Variants in TBC1D4 observed in about 807,000 individuals in gnomAD.
TBC1D4 encodes TBC (Tre-2, BUB2, CDC16) domain-containing protein.
In TBC1D4, 121 loss-of-function variants were observed where a neutral mutation model predicts 142.5. That is an observed-to-expected ratio of 0.85 (90% confidence interval 0.73 to 0.99). The LOEUF (loss-of-function observed/expected upper bound fraction) is 0.99. TBC1D4 is among the 50% of genes least tolerant of loss of function. TBC1D4 has a pLI of 0.00. For synonymous variants in TBC1D4, 630 were observed against 628.2 expected, an observed-to-expected ratio of 1.00 and a Z score of -0.04; for missense variants, 1,475 against 1,606.6, an observed-to-expected ratio of 0.92 and a Z score of 1.40.
Position 75,299,552 on chromosome 13 carries a change from A to T in TBC1D4, c.2934T>A (p.Pro978=). Reference sequence around the variant, plus strand: ...CTGGCCCAAGCTGTACTGAAAAGTAAGGGTGAGTAGGAAACGTCCTTCCTG... The same window carrying T: ...CTGGCCCAAGCTGTACTGAAAAGTATGGGTGAGTAGGAAACGTCCTTCCTG... ...VDLGRTFPTH[P]YFSVQLGPGQ... is the part of the protein sequence containing the mutation. The change falls in exon 17 of 21, where the codon CCT becomes CCA. Residue 978 remains proline, a synonymous_variant. Transcript: ENST00000377636. 2 of 1,614,236 alleles carry T rather than the reference A, an allele frequency of 1.2e-6. No homozygotes were observed. Among genetic ancestry groups the T allele is most frequent in the South Asian group, 1.1e-5 (1 of 91,092 alleles).
chr13:75,414,596 C>T (rs367950984), intron 1 of TBC1D4, among the ~76,000 whole-genome samples: 1 of 151,602 alleles, frequency 6.6e-6, no homozygotes, highest in African/African-American at 2.4e-5. Flanking sequence ...AAAGGGTATG[C>T]AGGATGGTGT....
intron 19 of TBC1D4, 28 bp downstream of exon 19, chr13:75,292,074 T>C (rs749047873): frequency 3.2e-6 from 5 of 1,576,974 alleles, no homozygotes; most frequent in South Asian, 1.1e-5. Flanking sequence ...AAAACTGCTA[T>C]ATAATACTAT....
At chr13:75,437,448 G>A (rs1418361868) in intron 1 of TBC1D4, among the ~76,000 whole-genome samples, 4 of 152,106 alleles carry the variant, frequency 2.6e-5, no homozygotes, top group African/African-American at 7.2e-5. Flanking sequence ...GGGAGTAAGA[G>A]TTTTTGTATT....
intron 1 of TBC1D4, 116 bp downstream of exon 1, chr13:75,481,154 G>C: frequency 7.0e-7 from 1 of 1,420,584 alleles, no homozygotes. Context: ...CGTGGAGCGC[G>C]CGCGCCTGCA....
chr13:75,356,371 A>T, intron 3 of TBC1D4, 120 bp from the exon 4 acceptor site: 3 of 753,456 alleles, frequency 4.0e-6, no homozygotes, highest in Non-Finnish European at 7.0e-6. Context: ...CCTTCACAGC[A>T]ATGAAGGGGG....
At chr13:75,360,694 G>C (rs1295350637) in intron 2 of TBC1D4, among the ~76,000 whole-genome samples, 1 of 152,172 alleles carries the variant, frequency 6.6e-6, no homozygotes, top group East Asian at 1.9e-4. Flanking sequence ...TTTGTGTTCT[G>C]TGTGGGATTA....
At chr13:75,407,147 C>A (rs534552456) in intron 1 of TBC1D4, among the ~76,000 whole-genome samples, 1 of 152,342 alleles carries the variant, frequency 6.6e-6, no homozygotes, top group Admixed American at 6.5e-5. Flanking sequence ...GCTCTAAATT[C>A]TAGCCCACCT....
intron 1 of TBC1D4, among the ~76,000 whole-genome samples, chr13:75,424,986 A>G (rs1886320810): frequency 6.6e-6 from 1 of 152,226 alleles, no homozygotes; most frequent in African/African-American, 2.4e-5. Context: ...CAAAAGCAAA[A>G]ATAGACAAAT....
chr13:75,331,727 C>T (rs1593740675), intron 8 of TBC1D4, among the ~76,000 whole-genome samples: 1 of 151,688 alleles, frequency 6.6e-6, no homozygotes, highest in East Asian at 1.9e-4. Flanking sequence ...AAAAATGGAT[C>T]CTATTTCATA....
intron 1 of TBC1D4, among the ~76,000 whole-genome samples, chr13:75,384,686 G>T (rs1884070274): frequency 6.6e-6 from 1 of 151,750 alleles, no homozygotes; most frequent in South Asian, 2.1e-4. Context: ...CAGCTAAATG[G>T]TTTTCTTATG....
chr13:75,443,729 G>C (rs1462185604), intron 1 of TBC1D4, among the ~76,000 whole-genome samples: 4 of 152,170 alleles, frequency 2.6e-5, no homozygotes, highest in African/African-American at 4.8e-5. Context: ...TGAGAACACT[G>C]TCCTGTATCT....
At chr13:75,408,624 T>A (rs1053451267) in intron 1 of TBC1D4, among the ~76,000 whole-genome samples, 11 of 152,174 alleles carry the variant, frequency 7.2e-5, no homozygotes, top group Admixed American at 2.6e-4. Flanking sequence ...TAACTCTATG[T>A]TTAACCTTTC....
chr13:75,338,869 G>A (rs966737918), intron 7 of TBC1D4, among the ~76,000 whole-genome samples: 1 of 152,072 alleles, frequency 6.6e-6, no homozygotes, highest in African/African-American at 2.4e-5. Flanking sequence ...CCCCACACGG[G>A]AAACCCTGAC....
chr13:75,317,834 C>T (rs1878441872), intron 12 of TBC1D4, among the ~76,000 whole-genome samples: 1 of 152,304 alleles, frequency 6.6e-6, no homozygotes, highest in South Asian at 2.1e-4. Flanking sequence ...TTAAGAACCA[C>T]AGTTTGTGAA....
intron 1 of TBC1D4, among the ~76,000 whole-genome samples, chr13:75,405,679 C>T (rs1444530699): frequency 6.6e-6 from 1 of 152,030 alleles, no homozygotes; most frequent in Non-Finnish European, 1.5e-5. Flanking sequence ...TTATATTTTT[C>T]TATTGCATAA....
chr13:75,363,300 A>T (rs890369065), intron 1 of TBC1D4, among the ~76,000 whole-genome samples: 3 of 152,194 alleles, frequency 2.0e-5, no homozygotes, highest in Non-Finnish European at 2.9e-5. Context: ...GCCTACAAAC[A>T]AATATTCAAA....
chr13:75,343,984 G>A (rs1593762105), intron 5 of TBC1D4, among the ~76,000 whole-genome samples: 2 of 151,986 alleles, frequency 1.3e-5, no homozygotes, highest in Non-Finnish European at 2.9e-5. Flanking sequence ...GGGATTACAG[G>A]TGCCCACCAC....
chr13:75,361,978 A>G (rs749257157), intron 2 of TBC1D4, 48 bp downstream of exon 2: 23 of 1,608,798 alleles, frequency 1.4e-5, no homozygotes, highest in Non-Finnish European at 2.0e-5. Context: ...AGCTACTTCC[A>G]TCTGGCACCT....
At chr13:75,424,801 G>C (rs1198690956) in intron 1 of TBC1D4, among the ~76,000 whole-genome samples, 1 of 152,150 alleles carries the variant, frequency 6.6e-6, no homozygotes, top group Non-Finnish European at 1.5e-5. Context: ...GAGAAAACTG[G>C]ATATCCACAT....
Sources: gnomAD v4.1 joint callset for allele counts (sites outside exome capture counted in the v4.1 genomes callset) on GRCh38, gnomAD v4.1.1 for gene constraint, MANE v1.5 for transcripts, NCBI Gene and HGNC (gene_info 2026-07-23, HGNC 2026-07-21) for gene names.